The following EXOC3 variants were observed in gnomAD, a reference collection of about 807,000 sequenced individuals.
The protein encoded by EXOC3 is exocyst complex component 3.
Under a neutral mutation model 73.7 loss-of-function variants are expected in EXOC3, and 21 were observed. The ratio of observed to expected loss-of-function variants is 0.29; its 90% CI spans 0.20 to 0.41. The LOEUF is 0.41. Ranked by LOEUF, EXOC3 falls within the 10% of genes least tolerant of loss-of-function variation. The probability of loss-of-function intolerance (pLI) is 1.00; values close to 1 mark genes in which losing one functional copy is unlikely to be tolerated. For missense variants in EXOC3, 842 were observed against 985.1 expected (o/e 0.85, Z 1.95); for synonymous variants, 410 against 389.1 (o/e 1.05, Z -0.63).
Position 443,191 on chromosome 5 carries a change from C to G in EXOC3, c.-156C>G, listed in dbSNP as rs1246445750. On this transcript the variant is annotated 5_prime_UTR_variant, in exon 1 of 13. Coordinates refer to ENST00000512944, the MANE Select transcript of EXOC3 (RefSeq NM_007277.5). ...CGCGCTGTCCACTTCCGGCCGGGAC[C>G]CCGGAGGCGGAGGCAGCGAAGGCGG... is the stretch of plus-strand genomic sequence containing the variant. 6.6e-6 allele frequency: 1 copy of G among 151,724 alleles called. No homozygotes were observed. Among genetic ancestry groups the G allele is most frequent in the African/African-American group, 2.4e-5 (1 of 40,862 alleles). The allele number at this position is 151,724 out of a possible 1,614,324, so 9.4% of individuals were successfully genotyped here.
At chr5:446,830 C>G (rs1437600987) in intron 2 of EXOC3, among the ~76,000 whole-genome samples, 1 of 137,016 alleles carries the variant, frequency 7.3e-6, no homozygotes, top group Non-Finnish European at 1.7e-5. Flanking sequence ...GCATTCCAGC[C>G]TGGGCAACAG....
intron 4 of EXOC3, among the ~76,000 whole-genome samples, chr5:455,819 T>G (rs1451507224): frequency 6.6e-6 from 1 of 152,174 alleles, no homozygotes; most frequent in East Asian, 1.9e-4. Flanking sequence ...TTAGCCAGGA[T>G]GGTCTCAATC....
Position 446,230 on chromosome 5 carries a change from G to A in EXOC3, c.25G>A (p.Val9Ile), listed in dbSNP as rs772714763. The A allele has an allele frequency of 9.8e-5, 158 of 1,613,874 alleles. No homozygotes were observed. Among genetic ancestry groups the A allele is most frequent in the Non-Finnish European group, 1.3e-4 (149 of 1,179,886 alleles). Residue 9 changes from valine (V) to isoleucine (I), a missense_variant, in exon 2 of 13, where the codon GTT (valine) becomes ATT (isoleucine). Physicochemically the swap from Val to Ile is conservative, Grantham distance 29. Coordinates refer to ENST00000512944, the MANE Select transcript of EXOC3 (RefSeq NM_007277.5). The part of the protein sequence containing the change: MKETDREA[V>I]ATAVQRVAGM... Reference sequence around the variant, plus strand: ...CATGAAGGAGACAGACCGGGAGGCCGTTGCGACAGCAGTGCAAAGGGTTGC... The same window carrying A: ...CATGAAGGAGACAGACCGGGAGGCCATTGCGACAGCAGTGCAAAGGGTTGC...
Position 445,305 on chromosome 5 carries a change from A to C in EXOC3, c.-56-845A>C, listed in dbSNP as rs1579730542. On this transcript the variant is annotated intron_variant, in intron 1 of 12. Coordinates refer to ENST00000512944, the MANE Select transcript of EXOC3 (RefSeq NM_007277.5). The stretch of plus-strand genomic sequence containing the variant: ...TTCTAGGACAGTTAAAAAAGGGGGA[A>C]ATGGGGTTTTGGATACCCAAGACAA... Among the ~76,000 whole-genome samples the C allele has an allele frequency of 2.6e-5, 4 of 151,806 alleles. No homozygotes were observed. In the East Asian group the frequency reaches 5.8e-4, roughly 22 times the overall value.
intron 7 of EXOC3, among the ~76,000 whole-genome samples, chr5:461,323 A>G (rs1737977377): frequency 6.6e-6 from 1 of 152,232 alleles, no homozygotes; most frequent in African/African-American, 2.4e-5. Context: ...TGTTTTTAAG[A>G]AACAAGGTCG....
chr5:461,497 C>CA (rs932309312), intron 7 of EXOC3: 2 of 157,854 alleles, frequency 1.3e-5, no homozygotes, highest in East Asian at 1.9e-4. Flanking sequence ...CCTGTAGTCC[C>CA]ACCTGCTCAG....
intron 7 of EXOC3, chr5:459,723 C>T (rs1327317187): frequency 7.1e-6 from 2 of 280,688 alleles, no homozygotes. Context: ...GACACCAACT[C>T]TGTTGGAGTC....
chr5:466,010 T>A (rs9313086), intron 12 of EXOC3, 165 bp downstream of exon 12: 1 of 680,984 alleles, frequency 1.5e-6, no homozygotes. Flanking sequence ...GGAGCAGAGC[T>A]GCTTCTGTGC....
At chr5:462,420 G>A (rs1222043138) in intron 9 of EXOC3, 113 bp downstream of exon 9, 8 of 1,240,434 alleles carry the variant, frequency 6.4e-6, no homozygotes, top group South Asian at 1.3e-5. Flanking sequence ...CTGGGGAGCC[G>A]GGCTGTGCAC....
rs1737718258 is a variant in EXOC3 at position 453,638 on chromosome 5, A to G, written c.633A>G (p.Ser211=). The change falls in exon 4 of 13, where the codon TCA becomes TCG. Residue 211 remains serine, a synonymous_variant. Transcript: ENST00000512944. Reference sequence around the variant, plus strand: ...GCCGTGACCCCACCTTGCTGGTCTCAGTTGTCAGGATCATTGAAAGGGAAG... The same window carrying G: ...GCCGTGACCCCACCTTGCTGGTCTCGGTTGTCAGGATCATTGAAAGGGAAG... The part of the protein sequence containing the change: ...TVRRDPTLLV[S]VVRIIEREEK... 1.2e-6 allele frequency: 2 copies of G among 1,613,996 alleles called. No homozygotes were observed. The highest frequency in any genetic ancestry group is 1.7e-6 in the Non-Finnish European group (2 of 1,179,886).
intron 3 of EXOC3, among the ~76,000 whole-genome samples, chr5:449,285 C>T (rs1331380958): frequency 6.6e-6 from 1 of 152,130 alleles, no homozygotes; most frequent in African/African-American, 2.4e-5. Flanking sequence ...CCCATTTTTT[C>T]TTCTTCTAAA....
intron 1 of EXOC3, among the ~76,000 whole-genome samples, chr5:445,598 C>T (rs1469115064): frequency 1.3e-5 from 2 of 152,210 alleles, no homozygotes; most frequent in African/African-American, 2.4e-5. Flanking sequence ...TCGTGATCCA[C>T]CCGCCTCGGC....
At chr5:448,142 C>G (rs1290154767) in intron 3 of EXOC3, among the ~76,000 whole-genome samples, 1 of 152,206 alleles carries the variant, frequency 6.6e-6, no homozygotes, top group Non-Finnish European at 1.5e-5. Context: ...TGGGACAGAG[C>G]AAGCAGATCC....
intron 2 of EXOC3, 116 bp downstream of exon 2, chr5:446,465 G>A: frequency 1.1e-6 from 1 of 928,246 alleles, no homozygotes; most frequent in Non-Finnish European, 1.6e-6. Flanking sequence ...AGGCAGAGCT[G>A]GACTTTCTTG....
chr5:462,427 G>A (rs1226075701), intron 9 of EXOC3, 120 bp downstream of exon 9: 1 of 1,145,580 alleles, frequency 8.7e-7, no homozygotes, highest in Non-Finnish European at 1.3e-6. Context: ...GCCGGGCTGT[G>A]CACTTGCATT....
At chr5:444,579 C>T (rs1737448492) in intron 1 of EXOC3, among the ~76,000 whole-genome samples, 1 of 129,310 alleles carries the variant, frequency 7.7e-6, no homozygotes. Context: ...AATAAGAAAA[C>T]AAAAGTGTGC....
chr5:456,874 C>T lies in EXOC3; in HGVS notation c.1047-15C>T, dbSNP rs540615552. 3 of 1,600,144 alleles carry T rather than the reference C, an allele frequency of 1.9e-6. No individual in the cohort carries two copies. The highest frequency in any genetic ancestry group is 1.7e-5 in the Admixed American group (1 of 59,962). On this transcript the variant is annotated splice_polypyrimidine_tract_variant and intron_variant, in intron 4 of 12. Transcript: ENST00000512944. ...CTGTCGTGGTTTGTCACTCACATTC[C>T]TGGTTCCCCCATAGTACTGAGATGA...
intron 7 of EXOC3, 121 bp downstream of exon 7, chr5:459,580 G>A (rs1031905542): frequency 3.6e-5 from 20 of 556,850 alleles, no homozygotes; most frequent in South Asian, 3.3e-4. Context: ...GATTCCCCAC[G>A]TGTCACTCCT....
At chr5:465,486 G>C (rs1016915985) in intron 11 of EXOC3, among the ~76,000 whole-genome samples, 9 of 152,254 alleles carry the variant, frequency 5.9e-5, no homozygotes, top group Non-Finnish European at 1.0e-4. Context: ...GCCGCCCACA[G>C]CTCCCTGACG....
Sources: allele counts gnomAD v4.1 joint callset (sites outside exome capture counted in the v4.1 genomes callset), GRCh38; gene constraint gnomAD v4.1.1; transcripts MANE v1.5; gene names NCBI Gene and HGNC (gene_info 2026-07-23, HGNC 2026-07-21).